VOPP1: variants seen among roughly 807,000 people sequenced by gnomAD.
The protein encoded by VOPP1 is WW domain binding protein VOPP1.
Under a neutral mutation model 23.5 loss-of-function variants are expected in VOPP1, and 8 were observed. The ratio of observed to expected loss-of-function variants is 0.34; its 90% CI spans 0.20 to 0.61. The LOEUF (loss-of-function observed/expected upper bound fraction) is 0.61. VOPP1 is among the 20% of genes least tolerant of loss of function. VOPP1 has a pLI of 0.78. For missense variants in VOPP1, 174 were observed against 238.1 expected, an observed-to-expected ratio of 0.73 and a Z score of 1.77; for synonymous variants, 83 against 97.3, an observed-to-expected ratio of 0.85 and a Z score of 0.86.
intron 1 of VOPP1, among the ~76,000 whole-genome samples, chr7:55,539,323 C>T (rs1332304885): frequency 6.6e-6 from 1 of 152,048 alleles, no homozygotes; most frequent in Non-Finnish European, 1.5e-5. Context: ...CCAGCCTGGG[C>T]GACATGAGCG....
intron 3 of VOPP1, 105 bp from the exon 4 acceptor site, chr7:55,492,523 T>A: frequency 7.6e-7 from 1 of 1,323,146 alleles, no homozygotes; most frequent in Non-Finnish European, 1.0e-6. Context: ...CCGGGACCAA[T>A]GACTCCCAAA....
At chr7:55,467,133 A>G (rs1271163401), downstream of VOPP1, among the ~76,000 whole-genome samples, 1 of 152,256 alleles carries the variant, frequency 6.6e-6, no homozygotes, top group Non-Finnish European at 1.5e-5. Context: ...GACAGAGCTC[A>G]GGTGGTAACG....
rs116278161 is a variant in VOPP1, at chr7:55,517,569, G to A, written c.113+3503C>T. Among the ~76,000 whole-genome samples the A allele has an allele frequency of 4.2e-3, 644 of 152,252 alleles. 3 individuals carry two copies. Among genetic ancestry groups the A allele is most frequent in the African/African-American group, 0.014 (592 of 41,556 alleles). ...AGGCCCCCAGCAGCAGGGCGAGCTG[G>A]GCTGGATGTGAGTCTCCTGTACCTG... On this transcript the variant is annotated intron_variant, in intron 2 of 4. Coordinates refer to ENST00000285279, the MANE Select transcript of VOPP1 (RefSeq NM_030796.5).
In VOPP1 at chr7:55,521,140, G is replaced by A; in HGVS notation, c.55-10C>T. The A allele has an allele frequency of 1.3e-6, 2 of 1,571,138 alleles. No individual in the cohort carries two copies. Among genetic ancestry groups the A allele is most frequent in the East Asian group, 2.3e-5 (1 of 43,122 alleles). On this transcript the variant is annotated splice_polypyrimidine_tract_variant and intron_variant, in intron 1 of 4. Coordinates refer to ENST00000285279, the MANE Select transcript of VOPP1 (RefSeq NM_030796.5). Reference sequence around the variant, plus strand: ...TTTTGGCTTCTGTGCACTGCAAATAGAAGCAAGAAAAAGTTTGTCAGTACT... The same window carrying A: ...TTTTGGCTTCTGTGCACTGCAAATAAAAGCAAGAAAAAGTTTGTCAGTACT...
chr7:55,544,639 G>A (rs1240770267), intron 1 of VOPP1, among the ~76,000 whole-genome samples: 1 of 152,234 alleles, frequency 6.6e-6, no homozygotes, highest in African/African-American at 2.4e-5. Flanking sequence ...TCACCAGAGG[G>A]GAAACTGAAA....
intron 2 of VOPP1, among the ~76,000 whole-genome samples, chr7:55,507,414 T>C (rs1026906938): frequency 1.3e-5 from 2 of 151,728 alleles, no homozygotes; most frequent in Non-Finnish European, 2.9e-5. Flanking sequence ...TCTGAGCAGG[T>C]ATATTTTTTT....
At chr7:55,567,338 A>G (rs1249692694) in intron 1 of VOPP1, among the ~76,000 whole-genome samples, 3 of 152,242 alleles carry the variant, frequency 2.0e-5, no homozygotes, top group Non-Finnish European at 4.4e-5. Flanking sequence ...GTTATGGGAA[A>G]AGGAGGATAT....
chr7:55,465,018 GCT>G (rs1185059944), intron 4 of VOPP1, among the ~76,000 whole-genome samples: 1 of 152,270 alleles, frequency 6.6e-6, no homozygotes, highest in East Asian at 1.9e-4. Context: ...GTTTCTCCTG[GCT>G]CCGAGCTGAT....
Position 55,528,551 on chromosome 7 carries a change from G to A in VOPP1, c.55-7421C>T, listed in dbSNP as rs543775305. 4.6e-5 allele frequency among the ~76,000 whole-genome samples: 7 copies of A among 152,286 alleles called. No homozygotes were observed. The East Asian group carries it at 1.2e-3, about 25-fold the overall frequency. On this transcript the variant is annotated intron_variant, in intron 1 of 4. Coordinates refer to ENST00000285279, the MANE Select transcript of VOPP1 (RefSeq NM_030796.5). ...AATACAAAAATTAGCTGGGCGTGGT[G>A]GCGCATGCCTGTAATCCCAGCTACT...
intron 1 of VOPP1, among the ~76,000 whole-genome samples, chr7:55,540,780 C>T (rs1004325585): frequency 6.6e-6 from 1 of 152,138 alleles, no homozygotes; most frequent in Non-Finnish European, 1.5e-5. Context: ...TTGAATTCAC[C>T]GCCAAGACAA....
chr7:55,563,648 G>C (rs1177928899), intron 1 of VOPP1, among the ~76,000 whole-genome samples: 11 of 152,186 alleles, frequency 7.2e-5, no homozygotes, highest in Non-Finnish European at 1.6e-4. Flanking sequence ...TACACATATA[G>C]CCTGAAGGTA....
At chr7:55,502,072 T>G (rs1419781022) in intron 2 of VOPP1, among the ~76,000 whole-genome samples, 1 of 152,270 alleles carries the variant, frequency 6.6e-6, no homozygotes, top group Non-Finnish European at 1.5e-5. Context: ...GAGCTGAATT[T>G]GCTAAAATGC....
intron 4 of VOPP1, among the ~76,000 whole-genome samples, chr7:55,461,991 A>G (rs1201029962): frequency 6.6e-6 from 1 of 152,216 alleles, no homozygotes; most frequent in Non-Finnish European, 1.5e-5. Flanking sequence ...TTTCAGATGT[A>G]GAACATGTTA....
intron 4 of VOPP1, among the ~76,000 whole-genome samples, chr7:55,477,581 C>T (rs1485207146): frequency 6.6e-6 from 1 of 152,188 alleles, no homozygotes; most frequent in Non-Finnish European, 1.5e-5. Context: ...GAGAGGCAGC[C>T]AGGCTATGTT....
chr7:55,467,048 G>T (rs1381676792), downstream of VOPP1, among the ~76,000 whole-genome samples: 3 of 152,172 alleles, frequency 2.0e-5, no homozygotes, highest in African/African-American at 7.2e-5. Flanking sequence ...ATACAACCTA[G>T]ACCTCTCTCC....
chr7:55,476,489 G>T (rs968560990), intron 4 of VOPP1, among the ~76,000 whole-genome samples: 1 of 152,228 alleles, frequency 6.6e-6, no homozygotes, highest in Non-Finnish European at 1.5e-5. Flanking sequence ...AGTCCGGCAG[G>T]CCGCAGAGGG....
At chr7:55,480,060 T>C (rs1792588219) in intron 4 of VOPP1, among the ~76,000 whole-genome samples, 1 of 152,262 alleles carries the variant, frequency 6.6e-6, no homozygotes, top group African/African-American at 2.4e-5. Flanking sequence ...CATTGCTTAA[T>C]TCAGTTTCCT....
intron 1 of VOPP1, among the ~76,000 whole-genome samples, chr7:55,537,222 T>G (rs888360332): frequency 2.6e-5 from 4 of 152,120 alleles, no homozygotes; most frequent in African/African-American, 9.7e-5. Flanking sequence ...TTCCTTCAGC[T>G]GAACACACAT....
intron 4 of VOPP1, among the ~76,000 whole-genome samples, chr7:55,458,610 C>T (rs556966670): frequency 2.6e-5 from 4 of 151,984 alleles, no homozygotes; most frequent in Non-Finnish European, 5.9e-5. Flanking sequence ...CTTGTAGAGA[C>T]CTTTCACCTT....
Sources: gnomAD v4.1 joint callset for allele counts (sites outside exome capture counted in the v4.1 genomes callset) on GRCh38, gnomAD v4.1.1 for gene constraint, MANE v1.5 for transcripts, NCBI Gene and HGNC (gene_info 2026-07-23, HGNC 2026-07-21) for gene names.